TCF24: variants seen among roughly 807,000 people sequenced by gnomAD.
The protein encoded by TCF24 is transcription factor 24.
In TCF24, 5 loss-of-function variants were observed where a neutral mutation model predicts 9.3. The observed-to-expected ratio is 0.54, with a 90% CI of 0.28 to 1.13. The LOEUF is 1.13. Among genes scored for constraint, TCF24 ranks in the 50% most tolerant of loss-of-function variants. The probability of loss-of-function intolerance (pLI) is 0.09; values close to 1 mark genes in which losing one functional copy is unlikely to be tolerated. For missense variants in TCF24, 220 were observed against 236.1 expected (o/e 0.93, Z 0.45); for synonymous variants, 110 against 115.8 (o/e 0.95, Z 0.32).
intron 3 of TCF24, among the ~76,000 whole-genome samples, chr8:66,960,328 A>G (rs1585947029): frequency 6.6e-6 from 1 of 152,204 alleles, no homozygotes; most frequent in South Asian, 2.1e-4. Flanking sequence ...TTGTAAGTTC[A>G]GTTAATATCA....
chr8:66,948,657 ATCT>A (rs1303814210), intron 3 of TCF24, among the ~76,000 whole-genome samples: 47 of 74,700 alleles, frequency 6.3e-4, no homozygotes, highest in African/African-American at 1.5e-3. Context: ...AGTGTCAACT[ATCT>A]ATCTATCTAT....
intron 3 of TCF24, among the ~76,000 whole-genome samples, chr8:66,959,459 ATG>A (rs1332573826): frequency 6.6e-6 from 1 of 152,246 alleles, no homozygotes; most frequent in African/African-American, 2.4e-5. Context: ...CTGTAAAATA[ATG>A]TGTTAACAGT....
chr8:66,954,469 G>A (rs993077192), intron 3 of TCF24, among the ~76,000 whole-genome samples: 6 of 152,084 alleles, frequency 3.9e-5, no homozygotes, highest in South Asian at 2.1e-4. Context: ...CTCCAGCTGC[G>A]TGCTGGGAGA....
At chr8:66,950,257 T>G (rs2130897284) in intron 3 of TCF24, among the ~76,000 whole-genome samples, 1 of 151,166 alleles carries the variant, frequency 6.6e-6, no homozygotes, top group Admixed American at 6.6e-5. Context: ...GTTTAAGTCT[T>G]TAATCCATCT....
intron 3 of TCF24, among the ~76,000 whole-genome samples, chr8:66,948,959 G>C (rs2130896581): frequency 6.6e-6 from 1 of 152,242 alleles, no homozygotes; most frequent in Middle Eastern, 3.4e-3. Context: ...GCCTCCCAAA[G>C]TGCTGGGATT....
At chr8:66,954,469 G>T (rs993077192) in intron 3 of TCF24, among the ~76,000 whole-genome samples, 1 of 152,084 alleles carries the variant, frequency 6.6e-6, no homozygotes, top group African/African-American at 2.4e-5. Flanking sequence ...CTCCAGCTGC[G>T]TGCTGGGAGA....
At chr8:66,954,013 GT>G (rs904563753) in intron 3 of TCF24, among the ~76,000 whole-genome samples, 125 of 151,970 alleles carry the variant, frequency 8.2e-4, no homozygotes, top group Middle Eastern at 6.8e-3. Flanking sequence ...TTTTTTCAAA[GT>G]TTTCAACTTC....
intron 3 of TCF24, among the ~76,000 whole-genome samples, chr8:66,952,553 G>GA (rs1278178547): frequency 5.3e-5 from 8 of 151,562 alleles, no homozygotes; most frequent in Admixed American, 4.6e-4. Context: ...GTGTGGTGCT[G>GA]AAAAAAATGC....
intron 3 of TCF24, among the ~76,000 whole-genome samples, chr8:66,960,378 T>C (rs1814233897): frequency 6.6e-6 from 1 of 152,124 alleles, no homozygotes; most frequent in African/African-American, 2.4e-5. Context: ...TATTGAACAC[T>C]GATATACTTA....
Position 66,961,664 on chromosome 8 carries a change from C to A in TCF24, c.102G>T (p.Pro34=). ...AGCCGCCCCCAGGGCCCGCCGGCCC[C>A]GGCCCGGTCCGCCCGGGACGCGAGT... is the stretch of plus-strand genomic sequence containing the variant. ...IRDSRPGRTG[P]GPAGPGGGSR... Residue 34 remains proline (P), a synonymous_variant, in exon 3 of 4, where the codon CCG becomes CCT. Transcript: ENST00000563496. 1 of 1,127,520 alleles carries A rather than the reference C, an allele frequency of 8.9e-7. No individual in the cohort carries two copies. The highest frequency in any genetic ancestry group is 1.1e-6 in the Non-Finnish European group (1 of 922,740). 69.8% of individuals were successfully genotyped at this position (1,127,520 alleles called of 1,614,324 possible).
intron 3 of TCF24, 51 bp from the exon 4 acceptor site, chr8:66,948,215 T>C (rs1194119206): frequency 1.4e-5 from 19 of 1,314,424 alleles, no homozygotes; most frequent in Non-Finnish European, 2.1e-6. Flanking sequence ...CTATGACATA[T>C]ATTAACATGG....
intron 3 of TCF24, 129 bp downstream of exon 3, chr8:66,961,247 C>T (rs1814246549): frequency 1.6e-6 from 2 of 1,238,618 alleles, no homozygotes; most frequent in Non-Finnish European, 1.0e-6. Flanking sequence ...GGGCCGAGGT[C>T]GTTCTCCCGG....
rs1814263434 is a variant in TCF24, at chr8:66,961,867, G to C, written c.-24+10C>G. The C allele has an allele frequency of 1.0e-6, 1 of 962,506 alleles. No homozygotes were observed. Among genetic ancestry groups the C allele is most frequent in the South Asian group, 4.8e-5 (1 of 20,644 alleles). The allele number at this position is 962,506 out of a possible 1,614,324, so 59.6% of individuals were successfully genotyped here. A position where few individuals can be genotyped will look rare whatever the true frequency, so the allele number is the denominator to read the frequency against. ...GAGGCGCAGCCCCCTGGTTCTCCCC[G>C]TGCGCCCACCAGCAGCCCAACGGGG... On this transcript the variant is annotated intron_variant, in intron 2 of 3. Coordinates refer to ENST00000563496, the MANE Select transcript of TCF24 (RefSeq NM_001193502.2).
rs1209723494 is a variant in TCF24 at position 66,947,114 on chromosome 8, A to G, written c.*937T>C. 6.6e-5 allele frequency: 10 copies of G among 152,314 alleles called. No individual in the cohort carries two copies. In the East Asian group the frequency reaches 1.9e-3, roughly 29 times the overall value. 9.4% of individuals were successfully genotyped at this position (152,314 alleles called of 1,614,324 possible). The stretch of plus-strand genomic sequence containing the variant: ...TATGCAAGTACTTTTCTACATATTA[A>G]TATGTAGAGAACTATTATATATCTT... On this transcript the variant is annotated 3_prime_UTR_variant, in exon 4 of 4. Coordinates refer to ENST00000563496, the MANE Select transcript of TCF24 (RefSeq NM_001193502.2).
intron 3 of TCF24, among the ~76,000 whole-genome samples, chr8:66,957,895 T>TAAAAA (rs11299517): frequency 4.6e-4 from 20 of 43,058 alleles, no homozygotes; most frequent in Non-Finnish European, 6.5e-4. Flanking sequence ...TAAGAATTGC[T>TAAAAA]AAAAAAAAAA....
chr8:66,956,087 G>A (rs756975619), intron 3 of TCF24, among the ~76,000 whole-genome samples: 4 of 151,810 alleles, frequency 2.6e-5, no homozygotes, highest in East Asian at 1.9e-4. Context: ...GTGCTACCAC[G>A]CTGGGCTAAT....
chr8:66,950,490 G>A (rs1814041714), intron 3 of TCF24, among the ~76,000 whole-genome samples: 1 of 152,138 alleles, frequency 6.6e-6, no homozygotes, highest in African/African-American at 2.4e-5. Flanking sequence ...TTTGGTTACT[G>A]TAGCCTTGTA....
In TCF24 at chr8:66,961,796, G is replaced by C; in HGVS notation, c.-23-8C>G. The C allele has an allele frequency of 9.0e-7, 1 of 1,113,820 alleles. No homozygotes were observed. The highest frequency in any genetic ancestry group is 1.1e-6 in the Non-Finnish European group (1 of 912,214). 69.0% of individuals were successfully genotyped at this position (1,113,820 alleles called of 1,614,324 possible). On this transcript the variant is annotated splice_polypyrimidine_tract_variant and splice_region_variant and intron_variant, in intron 2 of 3. Transcript: ENST00000563496. ...CTTCCCGCGCCGCGCGCGCTGCAAA[G>C]GACCGAAGGTGCGGTGAGGCCGGGG...
chr8:66,954,462 C>A (rs1814116008), intron 3 of TCF24, among the ~76,000 whole-genome samples: 1 of 152,268 alleles, frequency 6.6e-6, no homozygotes, highest in East Asian at 1.9e-4. Flanking sequence ...CTCAGATCTC[C>A]AGCTGCGTGC....
Sources: allele counts gnomAD v4.1 joint callset (sites outside exome capture counted in the v4.1 genomes callset), GRCh38; gene constraint gnomAD v4.1.1; transcripts MANE v1.5; gene names NCBI Gene and HGNC (gene_info 2026-07-23, HGNC 2026-07-21).